The following METTL24 variants were observed in gnomAD, a reference collection of about 807,000 sequenced individuals.
The protein encoded by METTL24 is probable methyltransferase-like protein 24.
In METTL24, 29 loss-of-function variants were observed where a neutral mutation model predicts 32.7. The observed-to-expected ratio is 0.89, with a 90% CI of 0.66 to 1.21. The LOEUF is 1.21. Among genes scored for constraint, METTL24 ranks in the 50% most tolerant of loss-of-function variants. The pLI is 0.00. For synonymous variants in METTL24, 163 were observed against 179.5 expected (o/e 0.91, Z 0.73); for missense variants, 439 against 468.1 (o/e 0.94, Z 0.57).
rs574227577 is a variant in METTL24 at position 110,302,615 on chromosome 6, GTA to G, written c.558-3467_558-3466del. On this transcript the variant is annotated intron_variant, in intron 3 of 4. Transcript: ENST00000338882. ...TATACACATATACACACACATATGT[GTA>G]TATATATACACATATACACACACAT... Among the ~76,000 whole-genome samples, 444 of 80,832 alleles carry G rather than the reference GTA, an allele frequency of 5.5e-3. 21 individuals are homozygous for G. The highest frequency in any genetic ancestry group is 0.021 in the African/African-American group (181 of 8,580). 53.0% of individuals were successfully genotyped at this position (80,832 alleles called of 152,430 possible).
intron 4 of METTL24, among the ~76,000 whole-genome samples, chr6:110,287,261 G>A (rs1478250413): frequency 1.3e-5 from 2 of 152,154 alleles, no homozygotes; most frequent in African/African-American, 4.8e-5. Flanking sequence ...TGTTGAGTTC[G>A]GAAGTTCTTG....
rs1771278185 is a variant in METTL24, at chr6:110,289,312, A to C, written c.786+9610T>G. Among the ~76,000 whole-genome samples, 3 of 152,330 alleles carry C rather than the reference A, an allele frequency of 2.0e-5. 1 individual carries two copies. The South Asian group carries it at 6.2e-4, about 32-fold the overall frequency. ...CTAATTTTATTGAAAAATCTGACAA[A>C]AGTTTAAAATAAGTATGTTTAGGAT... On this transcript the variant is annotated intron_variant, in intron 4 of 4. Coordinates refer to ENST00000338882, the MANE Select transcript of METTL24 (RefSeq NM_001123364.3).
At chr6:110,319,418 G>GAGATGGATGGATAGATGGAT (rs1554215689) in intron 2 of METTL24, among the ~76,000 whole-genome samples, 1 of 148,634 alleles carries the variant, frequency 6.7e-6, no homozygotes, top group Admixed American at 6.7e-5. Flanking sequence ...TAGAGAGGTA[G>GAGATGGATGGATAGATGGAT]AGATAGATAG....
In METTL24 at chr6:110,299,154, T is replaced by C. The variant is rs755387852; in HGVS notation, c.558-4A>G. The stretch of plus-strand genomic sequence containing the variant: ...ATGGGTATCATCACTTCCTAGCCTA[T>C]AAAGAAAGAGGACGGAAATCAACAA... On this transcript the variant is annotated splice_polypyrimidine_tract_variant and splice_region_variant and intron_variant, in intron 3 of 4. Coordinates refer to ENST00000338882, the MANE Select transcript of METTL24 (RefSeq NM_001123364.3). The C allele has an allele frequency of 3.1e-6, 5 of 1,612,014 alleles. No homozygotes were observed. Among genetic ancestry groups the C allele is most frequent in the South Asian group, 1.1e-5 (1 of 91,042 alleles).
intron 4 of METTL24, among the ~76,000 whole-genome samples, chr6:110,247,822 T>G (rs1353824286): frequency 6.6e-6 from 1 of 152,222 alleles, no homozygotes; most frequent in Non-Finnish European, 1.5e-5. Flanking sequence ...AAGTTTCTCA[T>G]ATGAGGCTCA....
At chr6:110,266,219 C>T (rs1328716758) in intron 4 of METTL24, among the ~76,000 whole-genome samples, 2 of 151,794 alleles carry the variant, frequency 1.3e-5, no homozygotes, top group Non-Finnish European at 2.9e-5. Flanking sequence ...AAAAAAAATG[C>T]TTCTATTTTT....
chr6:110,306,851 C>T (rs946539089), intron 3 of METTL24, among the ~76,000 whole-genome samples: 2 of 152,158 alleles, frequency 1.3e-5, no homozygotes, highest in African/African-American at 4.8e-5. Flanking sequence ...AGAGCACGTG[C>T]TCTCTATATG....
At chr6:110,335,820 T>C (rs77379458) in intron 1 of METTL24, among the ~76,000 whole-genome samples, 4,600 of 152,232 alleles carry the variant, frequency 0.03, 229 homozygotes, top group African/African-American at 0.11. Context: ...TGAAATGACA[T>C]GGCAAAGTCA....
At chr6:110,261,918 C>T (rs561993933) in intron 4 of METTL24, among the ~76,000 whole-genome samples, 5 of 152,142 alleles carry the variant, frequency 3.3e-5, no homozygotes, top group South Asian at 2.1e-4. Flanking sequence ...TTGAAACCAA[C>T]GAGAACAAAG....
chr6:110,319,462 T>TA (rs61447199), intron 2 of METTL24, among the ~76,000 whole-genome samples: 429 of 151,292 alleles, frequency 2.8e-3, no homozygotes, highest in African/African-American at 9.9e-3. Context: ...GATAGATAGA[T>TA]GACAGACAGA....
At chr6:110,292,719 T>A (rs919699852) in intron 4 of METTL24, among the ~76,000 whole-genome samples, 3 of 152,024 alleles carry the variant, frequency 2.0e-5, no homozygotes, top group Non-Finnish European at 4.4e-5. Flanking sequence ...AATTTTTTTT[T>A]AAATCCCCAT....
chr6:110,283,317 A>T (rs957564610), intron 4 of METTL24, among the ~76,000 whole-genome samples: 1 of 152,188 alleles, frequency 6.6e-6, no homozygotes, highest in Non-Finnish European at 1.5e-5. Context: ...CATATCTGGT[A>T]AAAACTATCC....
intron 4 of METTL24, among the ~76,000 whole-genome samples, chr6:110,295,794 A>AAGGAAGGAAGGAAGG (rs1771403129): frequency 9.7e-4 from 132 of 136,314 alleles, no homozygotes; most frequent in African/African-American, 3.8e-3. Flanking sequence ...AGAAAGAAAG[A>AAGGAAGGAAGGAAGG]AAGGAAGGAA....
At chr6:110,352,819 G>T (rs1423327755) in intron 1 of METTL24, among the ~76,000 whole-genome samples, 2 of 152,130 alleles carry the variant, frequency 1.3e-5, no homozygotes, top group Non-Finnish European at 2.9e-5. Context: ...TTACAGCACA[G>T]ATGGAAAAAC....
intron 1 of METTL24, among the ~76,000 whole-genome samples, chr6:110,337,583 A>G (rs572224179): frequency 6.6e-6 from 1 of 152,332 alleles, no homozygotes; most frequent in South Asian, 2.1e-4. Context: ...GGGAAAGAAA[A>G]GTATAACCAA....
At chr6:110,283,973 T>C (rs76199270) in intron 4 of METTL24, among the ~76,000 whole-genome samples, 5,314 of 152,276 alleles carry the variant, frequency 0.035, 331 homozygotes, top group African/African-American at 0.12. Context: ...TCTATACATA[T>C]GGCAAAAAGC....
intron 3 of METTL24, among the ~76,000 whole-genome samples, chr6:110,313,204 T>C (rs987917159): frequency 3.3e-5 from 5 of 152,210 alleles, no homozygotes; most frequent in Admixed American, 2.0e-4. Context: ...AAATTTTATA[T>C]TTCAAAATAG....
At chr6:110,280,426 C>T (rs933253843) in intron 4 of METTL24, among the ~76,000 whole-genome samples, 7 of 152,130 alleles carry the variant, frequency 4.6e-5, no homozygotes, top group South Asian at 2.1e-4. Context: ...TTATACTTCA[C>T]GTATTCAGTT....
At chr6:110,316,003 A>C (rs1771813105) in intron 2 of METTL24, among the ~76,000 whole-genome samples, 1 of 152,210 alleles carries the variant, frequency 6.6e-6, no homozygotes, top group South Asian at 2.1e-4. Flanking sequence ...TTTCAGGCAG[A>C]TAAGGTGGGG....
Sources: gnomAD v4.1 joint callset for allele counts (sites outside exome capture counted in the v4.1 genomes callset) on GRCh38, gnomAD v4.1.1 for gene constraint, MANE v1.5 for transcripts, NCBI Gene and HGNC (gene_info 2026-07-23, HGNC 2026-07-21) for gene names.